The following SCN1A variants were observed in gnomAD, a reference collection of about 807,000 sequenced individuals.
The protein encoded by SCN1A is sodium channel protein type 1 subunit alpha.
Under a neutral mutation model 193.7 loss-of-function variants are expected in SCN1A, and 13 were observed. The ratio of observed to expected loss-of-function variants is 0.07; its 90% CI spans 0.04 to 0.11. The LOEUF (loss-of-function observed/expected upper bound fraction) is 0.11. Ranked by LOEUF, SCN1A falls within the 10% of genes least tolerant of loss-of-function variation. The probability of loss-of-function intolerance (pLI) is 1.00; values close to 1 mark genes in which losing one functional copy is unlikely to be tolerated. For missense variants in SCN1A, 1,432 were observed against 2,451.1 expected, an observed-to-expected ratio of 0.58 and a Z score of 8.78; for synonymous variants, 781 against 843.6, an observed-to-expected ratio of 0.93 and a Z score of 1.29.
intron 23 of SCN1A, among the ~76,000 whole-genome samples, chr2:166,005,196 T>C (rs556003572): frequency 6.6e-6 from 1 of 151,470 alleles, no homozygotes; most frequent in South Asian, 2.1e-4. Flanking sequence ...GCCTTGAGTG[T>C]CTTGAATATA....
intron 25 of SCN1A, among the ~76,000 whole-genome samples, 196 bp from the exon 26 acceptor site, chr2:165,998,371 T>C (rs534911683): frequency 6.6e-5 from 10 of 151,130 alleles, no homozygotes; most frequent in African/African-American, 1.9e-4. Context: ...AATATGGCTA[T>C]TATGACATTC....
chr2:166,105,329 A>G (rs1688567615), intron 2 of SCN1A, among the ~76,000 whole-genome samples: 1 of 152,258 alleles, frequency 6.6e-6, no homozygotes, highest in Admixed American at 6.5e-5. Context: ...ACCAGGCCTG[A>G]ATGTAAATTA....
intron 2 of SCN1A, among the ~76,000 whole-genome samples, chr2:166,082,561 G>C (rs563018916): frequency 4.2e-4 from 64 of 152,026 alleles, no homozygotes; most frequent in African/African-American, 1.5e-3. Flanking sequence ...AAAAATGGGA[G>C]ACTCCAAAAT....
chr2:166,017,853 T>C (rs927227685), intron 19 of SCN1A, among the ~76,000 whole-genome samples: 9 of 151,994 alleles, frequency 5.9e-5, no homozygotes, highest in African/African-American at 1.7e-4. Flanking sequence ...ATCTGCTAGG[T>C]CTGATCCCCA....
intron 8 of SCN1A, among the ~76,000 whole-genome samples, chr2:166,052,619 A>T (rs28529550): frequency 1.4e-5 from 2 of 147,740 alleles, no homozygotes; most frequent in Admixed American, 7.0e-5. Context: ...GGTGAAAAAA[A>T]AAAAAACCCA....
intron 22 of SCN1A, among the ~76,000 whole-genome samples, chr2:166,011,281 GT>G (rs756872808): frequency 6.6e-6 from 1 of 151,056 alleles, no homozygotes; most frequent in South Asian, 2.1e-4. Flanking sequence ...TCTTTTTGGG[GT>G]AAAACTACTC....
intron 2 of SCN1A, among the ~76,000 whole-genome samples, chr2:166,119,819 A>G (rs1690333057): frequency 6.6e-6 from 1 of 152,146 alleles, no homozygotes; most frequent in Non-Finnish European, 1.5e-5. Context: ...AACTAAATTT[A>G]CTATTTTGAT....
chr2:166,117,761 C>A (rs1429009892), intron 2 of SCN1A, among the ~76,000 whole-genome samples: 1 of 151,970 alleles, frequency 6.6e-6, no homozygotes, highest in Non-Finnish European at 1.5e-5. Context: ...CTTTGGGAGG[C>A]CAAGGCAGGC....
intron 23 of SCN1A, among the ~76,000 whole-genome samples, chr2:166,005,067 A>G (rs1395283033): frequency 6.6e-6 from 1 of 151,390 alleles, no homozygotes; most frequent in African/African-American, 2.4e-5. Context: ...TACGTGGAAG[A>G]GTTGCTCCCA....
In SCN1A at chr2:166,123,223, C is replaced by CAAAAAAAAAAAAA. The variant is rs57488795; in HGVS notation, c.-142+3688_-142+3700dup. Among the ~76,000 whole-genome samples the CAAAAAAAAAAAAA allele has an allele frequency of 1.8e-4, 21 of 116,402 alleles. 3 individuals carry two copies. The highest frequency in any genetic ancestry group is 2.4e-4 in the Non-Finnish European group (14 of 58,158). The allele number at this position is 116,402 out of a possible 152,430, so 76.4% of individuals were successfully genotyped here. ...AATCACATTCCTACTCATTCATTTG[C>CAAAAAAAAAAAAA]AAAAAAAAAAAAAAAAAAAAAAAAA... On this transcript the variant is annotated intron_variant, in intron 2 of 28. Transcript: ENST00000674923.
At chr2:166,042,182 T>A (rs1697263581) in intron 15 of SCN1A, 110 bp downstream of exon 15, 1 of 1,053,978 alleles carries the variant, frequency 9.5e-7, no homozygotes, top group Non-Finnish European at 1.4e-6. Context: ...TGAATTAGAC[T>A]GTCTTTTCAT....
chr2:166,032,801 G>A (rs1298022927), intron 19 of SCN1A, among the ~76,000 whole-genome samples: 4 of 151,974 alleles, frequency 2.6e-5, no homozygotes, highest in African/African-American at 9.7e-5. Context: ...TTCTTAGAAG[G>A]GTGGTGTAAA....
At chr2:166,030,432 A>AT (rs1453153546) in intron 19 of SCN1A, among the ~76,000 whole-genome samples, 2 of 143,284 alleles carry the variant, frequency 1.4e-5, no homozygotes, top group Admixed American at 1.3e-4. Context: ...TTTACTCATT[A>AT]TTCTAGAGCT....
At chr2:166,120,527 A>G (rs1690433036) in intron 2 of SCN1A, among the ~76,000 whole-genome samples, 1 of 149,212 alleles carries the variant, frequency 6.7e-6, no homozygotes, top group South Asian at 2.1e-4. Context: ...TGCCTAGACT[A>G]TGATTTATTT....
intron 19 of SCN1A, among the ~76,000 whole-genome samples, chr2:166,019,877 A>G (rs1198142574): frequency 1.3e-5 from 2 of 151,464 alleles, no homozygotes; most frequent in Non-Finnish European, 2.9e-5. Context: ...TTTGTCTTTC[A>G]CAGATAGAAG....
chr2:166,079,242 T>G (rs1685259457), intron 2 of SCN1A, among the ~76,000 whole-genome samples: 1 of 151,208 alleles, frequency 6.6e-6, no homozygotes, highest in South Asian at 2.1e-4. Context: ...TTGTGGTTTC[T>G]GTCATTTTTG....
In SCN1A at chr2:165,991,090, G is replaced by C; in HGVS notation, c.*155C>G. 3.1e-6 allele frequency: 2 copies of C among 653,868 alleles called. No individual in the cohort carries two copies. Among genetic ancestry groups the C allele is most frequent in the Non-Finnish European group, 5.2e-6 (2 of 385,292 alleles). The allele number at this position is 653,868 out of a possible 1,614,324, so 40.5% of individuals were successfully genotyped here. On this transcript the variant is annotated 3_prime_UTR_variant, in exon 29 of 29. Transcript: ENST00000674923. ...CACAGAGTCACAGTTTGCTGACAAG[G>C]GGTCACTGTCTTATTGTAGGCACTG... is the stretch of plus-strand genomic sequence containing the variant.
intron 23 of SCN1A, among the ~76,000 whole-genome samples, chr2:166,006,242 T>C (rs567555144): frequency 1.5e-4 from 23 of 151,340 alleles, no homozygotes; most frequent in Non-Finnish European, 3.0e-4. Context: ...AGAATCTTTC[T>C]TAAAAATCTA....
intron 2 of SCN1A, among the ~76,000 whole-genome samples, chr2:166,119,491 A>G (rs1466781002): frequency 1.3e-5 from 2 of 152,128 alleles, no homozygotes; most frequent in Non-Finnish European, 2.9e-5. Context: ...AGTATTCTCA[A>G]ATGTTCAATT....
Sources: gnomAD v4.1 joint callset for allele counts (sites outside exome capture counted in the v4.1 genomes callset) on GRCh38, gnomAD v4.1.1 for gene constraint, MANE v1.5 for transcripts, NCBI Gene and HGNC (gene_info 2026-07-23, HGNC 2026-07-21) for gene names.